Variants in MALRD1 observed in about 807,000 individuals in gnomAD.
MALRD1 encodes MAM and LDL receptor class A domain containing 1.
A neutral mutation model predicts 242.1 loss-of-function variants in MALRD1; 247 were observed. The ratio of observed to expected loss-of-function variants is 1.02; its 90% CI spans 0.92 to 1.13. The LOEUF (loss-of-function observed/expected upper bound fraction) is 1.13. Ranked by LOEUF, MALRD1 falls within the 50% of genes most tolerant of loss-of-function variation. The pLI is 0.00. For missense variants in MALRD1, 2,989 were observed against 2,533.1 expected (o/e 1.18, Z -3.86); for synonymous variants, 995 against 866.6 (o/e 1.15, Z -2.60).
At chr10:19,186,806 A>G (rs1457359534) in intron 14 of MALRD1, among the ~76,000 whole-genome samples, 3 of 152,030 alleles carry the variant, frequency 2.0e-5, no homozygotes, top group East Asian at 3.9e-4. Flanking sequence ...TGCTGAAACT[A>G]TTCAGTTCTT....
chr10:19,230,472 A>G (rs533855007), intron 18 of MALRD1, among the ~76,000 whole-genome samples: 2 of 152,230 alleles, frequency 1.3e-5, no homozygotes, highest in East Asian at 3.9e-4. Flanking sequence ...AGCAAGAGAG[A>G]CAGGGAGGAG....
chr10:19,247,133 T>A (rs1297988276), intron 18 of MALRD1, among the ~76,000 whole-genome samples: 1 of 152,110 alleles, frequency 6.6e-6, no homozygotes, highest in Non-Finnish European at 1.5e-5. Context: ...TAGGATCTCA[T>A]GAACTGAAGA....
intron 32 of MALRD1, among the ~76,000 whole-genome samples, chr10:19,543,666 A>G (rs1425586897): frequency 6.6e-6 from 1 of 151,930 alleles, no homozygotes; most frequent in Admixed American, 6.6e-5. Context: ...CACACCAGAC[A>G]CTGTAACCCA....
chr10:19,184,158 G>T (rs540232632), intron 14 of MALRD1, among the ~76,000 whole-genome samples: 42 of 152,274 alleles, frequency 2.8e-4, no homozygotes, highest in Middle Eastern at 3.4e-3. Context: ...TGCCAGGGTG[G>T]ATTTTAGGCC....
At chr10:19,148,622 C>T (rs1409188139) in intron 11 of MALRD1, among the ~76,000 whole-genome samples, 1 of 151,242 alleles carries the variant, frequency 6.6e-6, no homozygotes, top group Non-Finnish European at 1.5e-5. Context: ...CTAATAGAGC[C>T]CCTGTGTTAG....
At chr10:19,232,422 C>A (rs1194606805) in intron 18 of MALRD1, among the ~76,000 whole-genome samples, 1 of 151,956 alleles carries the variant, frequency 6.6e-6, no homozygotes, top group Non-Finnish European at 1.5e-5. Flanking sequence ...AAGTCATCCG[C>A]CCGCCTCAGC....
Position 19,351,168 on chromosome 10 carries a change from G to GT in MALRD1, c.4150-831dup, listed in dbSNP as rs543073241. The stretch of plus-strand genomic sequence containing the variant: ...ATGTGACTGCTAGTGTTTCAAACAT[G>GT]TTTTTTTCCTATGTGCAGAACAATT... On this transcript the variant is annotated intron_variant, in intron 25 of 39. Transcript: ENST00000454679. Among the ~76,000 whole-genome samples, 16 of 152,184 alleles carry GT rather than the reference G, an allele frequency of 1.1e-4. No individual in the cohort carries two copies. In the South Asian group the frequency reaches 2.9e-3, roughly 28 times the overall value.
intron 32 of MALRD1, among the ~76,000 whole-genome samples, chr10:19,535,694 C>A (rs77300395): frequency 2.0e-5 from 3 of 151,568 alleles, no homozygotes; most frequent in African/African-American, 7.3e-5. Flanking sequence ...TGCAGTCTTA[C>A]GTATTTTATA....
At chr10:19,466,070 G>A (rs936755316) in intron 29 of MALRD1, among the ~76,000 whole-genome samples, 1 of 151,852 alleles carries the variant, frequency 6.6e-6, no homozygotes, top group Non-Finnish European at 1.5e-5. Context: ...ATTAATAATG[G>A]GGTTGAATGT....
chr10:19,344,903 T>C (rs2130971107), intron 24 of MALRD1, among the ~76,000 whole-genome samples: 1 of 152,134 alleles, frequency 6.6e-6, no homozygotes, highest in Middle Eastern at 3.4e-3. Context: ...AGGTAGAAAA[T>C]AGTTTGATTG....
chr10:19,686,716 AC>A (rs1842599881), intron 36 of MALRD1, among the ~76,000 whole-genome samples: 1 of 152,110 alleles, frequency 6.6e-6, no homozygotes, highest in Admixed American at 6.5e-5. Context: ...CTAGCGACCT[AC>A]TGTGACAATC....
chr10:19,052,042 T>A, intron 1 of MALRD1: 1 of 382,136 alleles, frequency 2.6e-6, no homozygotes, highest in Non-Finnish European at 5.0e-6. Flanking sequence ...AAAATTAATA[T>A]GAATGGAGTT....
intron 36 of MALRD1, among the ~76,000 whole-genome samples, chr10:19,679,662 C>A (rs974976688): frequency 3.3e-5 from 5 of 151,918 alleles, no homozygotes; most frequent in African/African-American, 1.2e-4. Context: ...TTCAATTCCA[C>A]CTTGATCTTG....
At chr10:19,120,703 CACA>C (rs1452092744) in intron 5 of MALRD1, among the ~76,000 whole-genome samples, 8 of 152,128 alleles carry the variant, frequency 5.3e-5, no homozygotes, top group African/African-American at 1.9e-4. Context: ...TTGATGATTG[CACA>C]ACATTTCAAA....
intron 36 of MALRD1, among the ~76,000 whole-genome samples, chr10:19,637,966 T>G (rs1840213580): frequency 6.6e-6 from 1 of 151,862 alleles, no homozygotes; most frequent in South Asian, 2.1e-4. Context: ...CCAGGTGTGG[T>G]GGCAGGTGCC....
intron 31 of MALRD1, among the ~76,000 whole-genome samples, chr10:19,502,896 A>G (rs142888803): frequency 4.0e-5 from 6 of 151,196 alleles, no homozygotes; most frequent in African/African-American, 7.3e-5. Flanking sequence ...CGAGTGTTCA[A>G]TTGATACCTT....
At chr10:19,233,465 G>A (rs1162954330) in intron 18 of MALRD1, among the ~76,000 whole-genome samples, 2 of 152,088 alleles carry the variant, frequency 1.3e-5, no homozygotes, top group Non-Finnish European at 1.5e-5. Context: ...TCATGCCATT[G>A]TACTCCAGCC....
intron 1 of MALRD1, among the ~76,000 whole-genome samples, chr10:19,061,031 C>T (rs1834808436): frequency 6.6e-6 from 1 of 152,182 alleles, no homozygotes; most frequent in East Asian, 1.9e-4. Flanking sequence ...GAAAACCAAA[C>T]ACCACATGTT....
chr10:19,599,856 C>T (rs539471894), intron 34 of MALRD1, among the ~76,000 whole-genome samples: 41 of 152,202 alleles, frequency 2.7e-4, no homozygotes, highest in African/African-American at 8.7e-4. Context: ...AGAGTCTCTT[C>T]GCTCTGTATT....
Sources: allele counts gnomAD v4.1 joint callset (sites outside exome capture counted in the v4.1 genomes callset), GRCh38; gene constraint gnomAD v4.1.1; transcripts MANE v1.5; gene names NCBI Gene and HGNC (gene_info 2026-07-23, HGNC 2026-07-21).